Variants in FIG4 observed in about 807,000 individuals in gnomAD.
FIG4 encodes FIG4 phosphoinositide 5-phosphatase, also known as polyphosphoinositide phosphatase.
In FIG4, 112 loss-of-function variants were observed where a neutral mutation model predicts 118.6. The ratio of observed to expected loss-of-function variants is 0.94; its 90% CI spans 0.81 to 1.11. The LOEUF (loss-of-function observed/expected upper bound fraction) is 1.11. Ranked by LOEUF, FIG4 falls within the 50% of genes least tolerant of loss-of-function variation. FIG4 has a pLI of 0.00. For synonymous variants in FIG4, 369 were observed against 381.2 expected (o/e 0.97, Z 0.37); for missense variants, 969 against 1,111.7 (o/e 0.87, Z 1.83).
chr6:109,789,891 A>G (rs1778090600), intron 19 of FIG4, among the ~76,000 whole-genome samples: 2 of 152,230 alleles, frequency 1.3e-5, no homozygotes, highest in Non-Finnish European at 1.5e-5. Context: ...AACAGATGAC[A>G]TAAAGGCAGG....
At chr6:109,742,967 T>G in intron 8 of FIG4, 143 bp from the exon 9 acceptor site, 5 of 716,830 alleles carry the variant, frequency 7.0e-6, no homozygotes, top group Non-Finnish European at 1.2e-5. Flanking sequence ...TATTGAATAT[T>G]GATCAATATT....
intron 16 of FIG4, among the ~76,000 whole-genome samples, chr6:109,780,829 T>G (rs1010456848): frequency 6.6e-6 from 1 of 152,206 alleles, no homozygotes; most frequent in East Asian, 1.9e-4. Context: ...CCTCTTGAGA[T>G]AAGTACTTCG....
chr6:109,692,574 T>G (rs1562629728), intron 1 of FIG4, among the ~76,000 whole-genome samples: 1 of 152,192 alleles, frequency 6.6e-6, no homozygotes, highest in Non-Finnish European at 1.5e-5. Context: ...TCAAATATAC[T>G]GTATTTGCAA....
intron 1 of FIG4, chr6:109,701,802 C>G: frequency 2.2e-6 from 1 of 463,266 alleles, no homozygotes; most frequent in Non-Finnish European, 4.5e-6. Flanking sequence ...GTGTAGTTGA[C>G]TAAGGATTGG....
At chr6:109,728,075 T>G (rs1775875444) in intron 4 of FIG4, among the ~76,000 whole-genome samples, 1 of 152,206 alleles carries the variant, frequency 6.6e-6, no homozygotes, top group South Asian at 2.1e-4. Flanking sequence ...GAATCAGTAT[T>G]TAAATTTGGA....
rs147656886 is a variant in FIG4 at position 109,723,808 on chromosome 6, T to C, written c.290-3301T>C. 9.3e-3 allele frequency among the ~76,000 whole-genome samples: 1,422 copies of C among 152,288 alleles called. 13 individuals carry two copies. The highest frequency in any genetic ancestry group is 0.037 in the Middle Eastern group (11 of 294). On this transcript the variant is annotated intron_variant, in intron 3 of 22. Transcript: ENST00000230124. ...GCCCAGAGCTGTCAGCAGTTGTGTTTCCTACCACATGATCCAGAGAAGTGG... is the reference window on the plus strand; with the variant it reads ...GCCCAGAGCTGTCAGCAGTTGTGTTCCCTACCACATGATCCAGAGAAGTGG...
rs1060501400 is a variant in FIG4, at chr6:109,743,207, G to C, written c.974G>C (p.Arg325Thr). 3 of 1,612,894 alleles carry C rather than the reference G, an allele frequency of 1.9e-6. No individual in the cohort carries two copies. In the Admixed American group the frequency reaches 5.0e-5, roughly 27 times the overall value. Residue 325 changes from arginine (R) to threonine (T), a missense_variant, in exon 9 of 23, where the codon AGA becomes ACA. Coordinates refer to ENST00000230124, the MANE Select transcript of FIG4 (RefSeq NM_014845.6). The stretch of plus-strand genomic sequence containing the variant: ...AGTTATTCTTCATATGTACAAGTTA[G>C]AGGATCTGTGCCCTTATACTGGTCT... ...AGSYSSYVQV[R>T]GSVPLYWSQD...
intron 15 of FIG4, among the ~76,000 whole-genome samples, chr6:109,775,261 C>A (rs1028822957): frequency 2.0e-5 from 3 of 152,152 alleles, no homozygotes; most frequent in Non-Finnish European, 2.9e-5. Flanking sequence ...GATCCTTGGG[C>A]TCATTAGGGC....
At chr6:109,716,958 A>C (rs1296382200) in intron 3 of FIG4, among the ~76,000 whole-genome samples, 1 of 151,916 alleles carries the variant, frequency 6.6e-6, no homozygotes, top group Non-Finnish European at 1.5e-5. Flanking sequence ...ATTTCTCCTA[A>C]GGTTAGTCTA....
At chr6:109,790,276 T>G (rs1036202094) in intron 19 of FIG4, among the ~76,000 whole-genome samples, 1 of 152,168 alleles carries the variant, frequency 6.6e-6, no homozygotes, top group Non-Finnish European at 1.5e-5. Flanking sequence ...AGATACAGAG[T>G]CCTAATTGTA....
At chr6:109,813,322 T>A (rs1157308109) in intron 22 of FIG4, among the ~76,000 whole-genome samples, 1 of 152,116 alleles carries the variant, frequency 6.6e-6, no homozygotes, top group Non-Finnish European at 1.5e-5. Flanking sequence ...CACAATACAA[T>A]CAGGAAAATC....
Position 109,792,594 on chromosome 6 carries a change from C to T in FIG4, c.2389C>T (p.Pro797Ser). Reference sequence around the variant, plus strand: ...TTTTAAACCCCAGAATGTGGTCCAACCCATGAAGGAGCTATATGGAATTAA... The same window carrying T: ...TTTTAAACCCCAGAATGTGGTCCAATCCATGAAGGAGCTATATGGAATTAA... ...SAKVTENVVQ[P>S]MKELYGINLS... Residue 797 changes from proline to serine, a missense_variant, in exon 21 of 23, where the codon CCC (proline) becomes TCC (serine). By Grantham distance (74) the Pro-to-Ser change is moderately conservative. This residue lies in a region of FIG4 where 330 missense variants were observed against 348.1 expected (regional missense o/e 0.95). Coordinates refer to ENST00000230124, the MANE Select transcript of FIG4 (RefSeq NM_014845.6). 2 of 1,597,960 alleles carry T rather than the reference C, an allele frequency of 1.3e-6. No individual in the cohort carries two copies. The highest frequency in any genetic ancestry group is 1.7e-6 in the Non-Finnish European group (2 of 1,166,264).
intron 1 of FIG4, among the ~76,000 whole-genome samples, chr6:109,703,761 T>C (rs1214985385): frequency 6.6e-6 from 1 of 152,176 alleles, no homozygotes; most frequent in Non-Finnish European, 1.5e-5. Flanking sequence ...TCTGTCCTTA[T>C]CGACTTGACT....
intron 3 of FIG4, among the ~76,000 whole-genome samples, chr6:109,725,772 C>G (rs373949176): frequency 3.3e-4 from 51 of 152,310 alleles, no homozygotes; most frequent in African/African-American, 1.1e-3. Flanking sequence ...TGTTTCCTGA[C>G]TTTTAAATGA....
At position 109,716,447 on chromosome 6, in the gene FIG4, T is replaced by A; in HGVS notation, c.168T>A (p.His56Gln). ...AGAGTAAATGTGCTTATTCTTAGCATGTCTATACTCAACAAGAAGTAAGGG... is the reference window on the plus strand; with the variant it reads ...AGAGTAAATGTGCTTATTCTTAGCAAGTCTATACTCAACAAGAAGTAAGGG... ...PKDLVIIDDR[H>Q]VYTQQEVREL... is the part of the protein sequence containing the mutation. Residue 56 changes from histidine (H) to glutamine (Q), a missense_variant and splice_region_variant, in exon 3 of 23, where the codon CAT becomes CAA. His to Gln is a conservative substitution (Grantham distance 24). Transcript: ENST00000230124. 8 of 1,613,604 alleles carry A rather than the reference T, an allele frequency of 5.0e-6. No homozygotes were observed. Among genetic ancestry groups the A allele is most frequent in the Non-Finnish European group, 6.8e-6 (8 of 1,179,578 alleles).
intron 6 of FIG4, 43 bp from the exon 7 acceptor site, chr6:109,738,281 AT>A: frequency 6.6e-7 from 1 of 1,521,446 alleles, no homozygotes; most frequent in South Asian, 1.1e-5. Context: ...TTGATACAAA[AT>A]ATTTTGTGTA....
chr6:109,727,118 G>T lies in FIG4; in HGVS notation c.299G>T (p.Arg100Met), dbSNP rs942946390. Residue 100 changes from arginine to methionine, a missense_variant, in exon 4 of 23, where the codon AGG (arginine) becomes ATG (methionine). Physicochemically the swap from Arg to Met is moderately conservative, Grantham distance 91. Transcript: ENST00000230124. ...ATTTTTTGTTGCATAGGTTTTGTCA[G>T]GTTCTTAGAAGGCTATTATATTGTG... ...VSAFGVVGFV[R>M]FLEGYYIVLI... The T allele has an allele frequency of 4.3e-6, 7 of 1,610,290 alleles. No homozygotes were observed. The highest frequency in any genetic ancestry group is 1.7e-5 in the Admixed American group (1 of 59,968).
chr6:109,728,729 G>T (rs187818422), intron 4 of FIG4, among the ~76,000 whole-genome samples: 1 of 152,238 alleles, frequency 6.6e-6, no homozygotes, highest in East Asian at 1.9e-4. Flanking sequence ...ACTGAAAAAG[G>T]TTATATCTGA....
Position 109,778,806 on chromosome 6 carries a change from A to G in FIG4, c.1889+1746A>G, listed in dbSNP as rs536605503. ...AGTAGAGACGGGGTTTCACTGTGTT[A>G]GCTAGGGTGGTCTTGATCTCCTGCC... On this transcript the variant is annotated intron_variant, in intron 16 of 22. Coordinates refer to ENST00000230124, the MANE Select transcript of FIG4 (RefSeq NM_014845.6). Among the ~76,000 whole-genome samples, 82 of 152,140 alleles carry G rather than the reference A, an allele frequency of 5.4e-4. 1 individual carries two copies. The East Asian group carries it at 9.5e-3, about 18-fold the overall frequency.
Sources: gnomAD v4.1 joint callset for allele counts (sites outside exome capture counted in the v4.1 genomes callset) on GRCh38, gnomAD v4.1.1 for gene constraint, gnomAD v4.1.1 regional missense constraint, MANE v1.5 for transcripts, NCBI Gene and HGNC (gene_info 2026-07-23, HGNC 2026-07-21) for gene names.